The following KSR1 variants were observed in gnomAD, a reference collection of about 807,000 sequenced individuals.
KSR1 encodes kinase suppressor of ras 1.
In KSR1, 35 loss-of-function variants were observed where a neutral mutation model predicts 92.9. The observed-to-expected ratio is 0.38, with a 90% confidence interval of 0.29 to 0.50. KSR1 has a LOEUF of 0.50. KSR1 is among the 20% of genes least tolerant of loss of function. KSR1 has a pLI of 0.94. For synonymous variants in KSR1, 467 were observed against 472.6 expected (o/e 0.99, Z 0.15); for missense variants, 972 against 1,158.5 (o/e 0.84, Z 2.34).
At chr17:27,515,297 G>C (rs200726319) in intron 1 of KSR1, among the ~76,000 whole-genome samples, 2 of 152,160 alleles carry the variant, frequency 1.3e-5, no homozygotes, top group East Asian at 1.9e-4. Flanking sequence ...TATTTTTGCT[G>C]TACCTTTTCT....
intron 1 of KSR1, among the ~76,000 whole-genome samples, chr17:27,547,924 G>C (rs926896678): frequency 6.6e-6 from 1 of 151,950 alleles, no homozygotes; most frequent in South Asian, 2.1e-4. Context: ...TATTGACCAG[G>C]CTGGTCTCGA....
At chr17:27,550,355 G>T (rs976499360) in intron 1 of KSR1, among the ~76,000 whole-genome samples, 1 of 152,202 alleles carries the variant, frequency 6.6e-6, no homozygotes, top group Non-Finnish European at 1.5e-5. Flanking sequence ...CCCTGGGTAG[G>T]GCAGGGGGCT....
Position 27,588,303 on chromosome 17 carries a change from C to T in KSR1, c.986-172C>T, listed in dbSNP as rs1210603283. ...CGAGGCGAGGGGAACCACACCATGCCACTGGGCTAGCCTGGCCTGCTCCTG... is the reference window on the plus strand; with the variant it reads ...CGAGGCGAGGGGAACCACACCATGCTACTGGGCTAGCCTGGCCTGCTCCTG... On this transcript the variant is annotated intron_variant, in intron 5 of 20. Transcript: ENST00000644974. 8.6e-6 allele frequency: 4 copies of T among 464,816 alleles called. No homozygotes were observed. In the South Asian group the frequency reaches 1.4e-4, roughly 16 times the overall value. 28.8% of individuals were successfully genotyped at this position (464,816 alleles called of 1,614,324 possible). A position where few individuals can be genotyped will look rare whatever the true frequency, so the allele number is the denominator to read the frequency against.
Position 27,616,877 on chromosome 17 carries a change from A to G in KSR1, c.2494-418A>G, listed in dbSNP as rs138202230. 6.7e-4 allele frequency among the ~76,000 whole-genome samples: 102 copies of G among 152,320 alleles called. 1 individual carries two copies. The highest frequency in any genetic ancestry group is 2.3e-3 in the African/African-American group (97 of 41,562). On this transcript the variant is annotated intron_variant, in intron 18 of 20. Coordinates refer to ENST00000644974, the MANE Select transcript of KSR1 (RefSeq NM_001394583.1). ...TTCTTGTCACTCCAGCCGCCATTCT[A>G]GTAATGCTGAGGCTCCCTCGTCCAC...
At chr17:27,520,586 G>T (rs561249459) in intron 1 of KSR1, among the ~76,000 whole-genome samples, 52 of 152,376 alleles carry the variant, frequency 3.4e-4, no homozygotes, top group African/African-American at 1.2e-3. Context: ...CAGCCCTGAA[G>T]TCTCCTTGTC....
At chr17:27,578,622 T>G (rs1376100567) in intron 3 of KSR1, 2 of 152,386 alleles carry the variant, frequency 1.3e-5, no homozygotes, top group East Asian at 1.9e-4. Context: ...CCTTGGGCCC[T>G]GATGGCGATT....
chr17:27,514,306 G>A (rs956583038), intron 1 of KSR1, among the ~76,000 whole-genome samples: 7 of 152,308 alleles, frequency 4.6e-5, no homozygotes, highest in Middle Eastern at 3.4e-3. Context: ...ATTTATCACC[G>A]GGGAATTATA....
chr17:27,541,422 C>T (rs184719540), intron 1 of KSR1, among the ~76,000 whole-genome samples: 12 of 152,324 alleles, frequency 7.9e-5, no homozygotes, highest in Admixed American at 3.3e-4. Context: ...GGGTGGGGTA[C>T]AGCCCAGAGG....
chr17:27,516,627 TG>T (rs1365249603), intron 1 of KSR1, among the ~76,000 whole-genome samples: 1 of 152,152 alleles, frequency 6.6e-6, no homozygotes, highest in Non-Finnish European at 1.5e-5. Context: ...GAAAGAAAAT[TG>T]AAACACTCTT....
intron 1 of KSR1, among the ~76,000 whole-genome samples, chr17:27,547,926 TGGTC>T (rs2071241516): frequency 6.6e-6 from 1 of 152,046 alleles, no homozygotes; most frequent in South Asian, 2.1e-4. Flanking sequence ...TTGACCAGGC[TGGTC>T]TCGAACCTCT....
intron 2 of KSR1, among the ~76,000 whole-genome samples, chr17:27,568,394 G>A (rs948115313): frequency 2.6e-5 from 4 of 152,232 alleles, no homozygotes; most frequent in Non-Finnish European, 4.4e-5. Flanking sequence ...GCCCCACAAG[G>A]GACCCACCAG....
intron 18 of KSR1, among the ~76,000 whole-genome samples, chr17:27,612,224 G>A (rs548842680): frequency 1.7e-4 from 26 of 152,322 alleles, no homozygotes; most frequent in African/African-American, 6.3e-4. Flanking sequence ...GAAATAGAGC[G>A]TTGCACTGGG....
intron 2 of KSR1, among the ~76,000 whole-genome samples, chr17:27,551,742 C>G (rs2071403453): frequency 6.6e-6 from 1 of 152,182 alleles, no homozygotes; most frequent in Non-Finnish European, 1.5e-5. Context: ...GTGGCTCTCC[C>G]CCAAGGCACA....
At chr17:27,520,799 G>T (rs1384128483) in intron 1 of KSR1, among the ~76,000 whole-genome samples, 2 of 152,238 alleles carry the variant, frequency 1.3e-5, no homozygotes, top group African/African-American at 2.4e-5. Flanking sequence ...GATTGGAGGG[G>T]TGCTGCCTTC....
chr17:27,539,755 A>G (rs2070889994), intron 1 of KSR1, among the ~76,000 whole-genome samples: 1 of 152,170 alleles, frequency 6.6e-6, no homozygotes, highest in African/African-American at 2.4e-5. Context: ...CTAACAACAC[A>G]TGAGATATTG....
intron 1 of KSR1, among the ~76,000 whole-genome samples, chr17:27,547,976 G>A (rs112807803): frequency 0.32 from 49,200 of 152,078 alleles, 8,396 homozygotes; most frequent in South Asian, 0.38. Context: ...GCGTCCCAAA[G>A]TGCTGGGATT....
intron 2 of KSR1, among the ~76,000 whole-genome samples, chr17:27,566,772 T>A (rs902979851): frequency 6.6e-6 from 1 of 152,384 alleles, no homozygotes; most frequent in East Asian, 1.9e-4. Flanking sequence ...TCAGTTAGAA[T>A]CTTCCTGAAA....
intron 1 of KSR1, 101 bp from the exon 2 acceptor site, chr17:27,550,467 C>G: frequency 1.4e-6 from 1 of 711,532 alleles, no homozygotes; most frequent in Non-Finnish European, 2.6e-6. Flanking sequence ...TCCCTCATCA[C>G]ATTGCTTGTG....
Position 27,592,630 on chromosome 17 carries a change from C to G in KSR1, c.1299+4C>G. 1 of 1,612,456 alleles carries G rather than the reference C, an allele frequency of 6.2e-7. No individual in the cohort carries two copies. Among genetic ancestry groups the G allele is most frequent in the Non-Finnish European group, 8.5e-7 (1 of 1,179,072 alleles). On this transcript the variant is annotated splice_donor_region_variant and intron_variant, in intron 9 of 20. Coordinates refer to ENST00000644974, the MANE Select transcript of KSR1 (RefSeq NM_001394583.1). ...CCCCAAAGCACTGACAAAGAAGGTA[C>G]GCTGGGTAATGCTGGGGAGGACGCC...
Sources: allele counts gnomAD v4.1 joint callset (sites outside exome capture counted in the v4.1 genomes callset), GRCh38; gene constraint gnomAD v4.1.1; transcripts MANE v1.5; gene names NCBI Gene and HGNC (gene_info 2026-07-23, HGNC 2026-07-21).